ITGA1: variants seen among roughly 807,000 people sequenced by gnomAD.
The protein encoded by ITGA1 is integrin alpha-1.
A neutral mutation model predicts 145.9 loss-of-function variants in ITGA1; 85 were observed. That is an observed-to-expected ratio of 0.58 (90% confidence interval 0.49 to 0.70). The LOEUF (loss-of-function observed/expected upper bound fraction) is 0.70, where lower values mean the gene tolerates loss of function less well. Among genes scored for constraint, ITGA1 ranks in the 30% least tolerant of loss-of-function variants. ITGA1 has a pLI of 0.00. For missense variants in ITGA1, 1,351 were observed against 1,418.7 expected, an observed-to-expected ratio of 0.95 and a Z score of 0.77; for synonymous variants, 520 against 495.3, an observed-to-expected ratio of 1.05 and a Z score of -0.66.
At chr5:52,909,879 A>G (rs1231878428) in intron 13 of ITGA1, among the ~76,000 whole-genome samples, 1 of 151,998 alleles carries the variant, frequency 6.6e-6, no homozygotes, top group Non-Finnish European at 1.5e-5. Flanking sequence ...AGTGGCACAA[A>G]TTAAGGATAT....
At chr5:52,864,045 T>A (rs1749646251) in intron 3 of ITGA1, 1 of 152,196 alleles carries the variant, frequency 6.6e-6, no homozygotes, top group Admixed American at 6.5e-5. Context: ...TCAACCTGAA[T>A]TTTGCCTCTT....
At chr5:52,807,999 C>T (rs907330055) in intron 1 of ITGA1, among the ~76,000 whole-genome samples, 1 of 152,060 alleles carries the variant, frequency 6.6e-6, no homozygotes, top group Non-Finnish European at 1.5e-5. Context: ...GAGATGACCA[C>T]AAGTGGCCAA....
At chr5:52,789,738 ATT>A (rs1652602978) in intron 1 of ITGA1, among the ~76,000 whole-genome samples, 1 of 152,142 alleles carries the variant, frequency 6.6e-6, no homozygotes, top group Non-Finnish European at 1.5e-5. Context: ...TTTAGATTGT[ATT>A]TTGTTGTTTT....
rs768984355 is a variant in ITGA1, at chr5:52,887,846, C to T, written c.805C>T (p.Arg269Ter). The T allele has an allele frequency of 6.8e-6, 11 of 1,612,978 alleles. No homozygotes were observed. The highest frequency in any genetic ancestry group is 7.6e-6 in the Non-Finnish European group (9 of 1,179,314). The change falls in exon 8 of 29, where the codon CGA becomes TGA. Residue 269 changes from arginine (R) to a stop codon, truncating the protein, a stop_gained. Transcript: ENST00000282588. LOFTEE classifies it high-confidence loss of function. ...KEAFTEARGA[R>*]RGVKKVMVIV... ...GGCATTCACGGAAGCCCGGGGTGCC[C>T]GAAGAGGAGTTAAAAAAGTCATGGT...
chr5:52,950,777 G>C (rs1433862140), intron 28 of ITGA1, among the ~76,000 whole-genome samples: 1 of 152,172 alleles, frequency 6.6e-6, no homozygotes, highest in Non-Finnish European at 1.5e-5. Context: ...GAAGCAAAAA[G>C]AGCTGTGAGA....
At chr5:52,798,749 G>T (rs1267165655) in intron 1 of ITGA1, among the ~76,000 whole-genome samples, 1 of 152,174 alleles carries the variant, frequency 6.6e-6, no homozygotes, top group African/African-American at 2.4e-5. Flanking sequence ...GGGCAGAGGG[G>T]TGACTGTACC....
chr5:52,805,871 A>G (rs1748581270), intron 1 of ITGA1, among the ~76,000 whole-genome samples: 1 of 152,158 alleles, frequency 6.6e-6, no homozygotes, highest in South Asian at 2.1e-4. Flanking sequence ...AGTTGGATTT[A>G]CATCTTTCTT....
At chr5:52,928,286 G>T (rs975086463) in intron 20 of ITGA1, among the ~76,000 whole-genome samples, 1 of 152,090 alleles carries the variant, frequency 6.6e-6, no homozygotes, top group Non-Finnish European at 1.5e-5. Flanking sequence ...ATGGAGCTGG[G>T]AAATTCTGTT....
intron 1 of ITGA1, among the ~76,000 whole-genome samples, chr5:52,829,614 G>A (rs1431054249): frequency 6.6e-6 from 1 of 151,930 alleles, no homozygotes; most frequent in Non-Finnish European, 1.5e-5. Flanking sequence ...TTTATCTGTT[G>A]TGGGTTTTTT....
chr5:52,893,855 C>G lies in ITGA1; in HGVS notation c.1090+15C>G, dbSNP rs757855981. 6.3e-7 allele frequency: 1 copy of G among 1,586,636 alleles called. No homozygotes were observed. The highest frequency in any genetic ancestry group is 8.6e-7 in the Non-Finnish European group (1 of 1,160,038). Reference sequence around the variant, plus strand: ...TGCCCTGGAAGGTATGTCTATTTATCTTATTGCTGCATGTTCTCTCTGCAA... The same window carrying G: ...TGCCCTGGAAGGTATGTCTATTTATGTTATTGCTGCATGTTCTCTCTGCAA... On this transcript the variant is annotated intron_variant, in intron 9 of 28. Transcript: ENST00000282588.
At chr5:52,791,880 T>A (rs1561208734) in intron 1 of ITGA1, among the ~76,000 whole-genome samples, 1 of 152,222 alleles carries the variant, frequency 6.6e-6, no homozygotes, top group East Asian at 1.9e-4. Flanking sequence ...GAAGAACTAA[T>A]GACAAATCTA....
chr5:52,939,977 A>G (rs774043348), intron 26 of ITGA1, 33 bp downstream of exon 26: 2 of 1,071,998 alleles, frequency 1.9e-6, no homozygotes, highest in South Asian at 1.3e-5. Flanking sequence ...GCACTTATTG[A>G]ATAATATCAA....
rs1751111203 is a variant in ITGA1 at position 52,944,939 on chromosome 5, T to G, written c.3286-4T>G. ...ATTAAGAACAAATCCTATTTGCTTT[T>G]CAGTCATATTTTTCCAGCTTAAATC... On this transcript the variant is annotated splice_polypyrimidine_tract_variant and splice_region_variant and intron_variant, in intron 26 of 28. Transcript: ENST00000282588. The G allele has an allele frequency of 6.3e-7, 1 of 1,599,636 alleles. No individual in the cohort carries two copies. Among genetic ancestry groups the G allele is most frequent in the African/African-American group, 1.3e-5 (1 of 74,448 alleles).
chr5:52,911,068 AG>A (rs1750512502), intron 14 of ITGA1, among the ~76,000 whole-genome samples: 1 of 133,172 alleles, frequency 7.5e-6, no homozygotes, highest in Non-Finnish European at 1.5e-5. Context: ...TAGTGTATAT[AG>A]TGTATATATA....
intron 1 of ITGA1, among the ~76,000 whole-genome samples, chr5:52,846,629 A>G (rs1361723249): frequency 1.3e-5 from 2 of 152,208 alleles, no homozygotes; most frequent in Non-Finnish European, 1.5e-5. Flanking sequence ...GATGGTAACC[A>G]GCTGTTCTCT....
chr5:52,824,103 C>A (rs761502596), intron 1 of ITGA1, among the ~76,000 whole-genome samples: 1 of 151,580 alleles, frequency 6.6e-6, no homozygotes, highest in Non-Finnish European at 1.5e-5. Flanking sequence ...TGTTTCATGA[C>A]CTTTAATATA....
chr5:52,912,711 A>AGTGT (rs67318879), intron 14 of ITGA1, among the ~76,000 whole-genome samples: 54 of 132,372 alleles, frequency 4.1e-4, no homozygotes, highest in Non-Finnish European at 5.2e-4. Context: ...CTATATATAT[A>AGTGT]GTGTGTGTGT....
Position 52,952,477 on chromosome 5 carries a change from C to T in ITGA1, c.*26C>T. Reference sequence around the variant, plus strand: ...AATATTTTATGAAAGAAAATAATAACAATTATTCAATAATCTATCCTCAGG... The same window carrying T: ...AATATTTTATGAAAGAAAATAATAATAATTATTCAATAATCTATCCTCAGG... On this transcript the variant is annotated 3_prime_UTR_variant, in exon 29 of 29. Coordinates refer to ENST00000282588, the MANE Select transcript of ITGA1 (RefSeq NM_181501.2). 1 of 1,050,850 alleles carries T rather than the reference C, an allele frequency of 9.5e-7. No individual in the cohort carries two copies. 65.1% of individuals were successfully genotyped at this position (1,050,850 alleles called of 1,614,324 possible). A position where few individuals can be genotyped will look rare whatever the true frequency, so the allele number is the denominator to read the frequency against.
chr5:52,937,165 T>C (rs1034057387), intron 23 of ITGA1, among the ~76,000 whole-genome samples: 1 of 151,970 alleles, frequency 6.6e-6, no homozygotes, highest in Non-Finnish European at 1.5e-5. Context: ...GAATGGGGGA[T>C]GGAGGAACAA....
Sources: allele counts gnomAD v4.1 joint callset (sites outside exome capture counted in the v4.1 genomes callset), GRCh38; gene constraint gnomAD v4.1.1; transcripts MANE v1.5; gene names NCBI Gene and HGNC (gene_info 2026-07-23, HGNC 2026-07-21).